Variants in UVRAG observed in about 807,000 individuals in gnomAD.
UVRAG encodes UV radiation resistance-associated gene protein.
In UVRAG, 19 loss-of-function variants were observed where a neutral mutation model predicts 78.0. The ratio of observed to expected loss-of-function variants is 0.24; its 90% CI spans 0.17 to 0.36. UVRAG has a LOEUF of 0.36. UVRAG is among the 10% of genes least tolerant of loss of function. The pLI, the probability that UVRAG is intolerant of heterozygous loss-of-function variation, is 1.00. For missense variants in UVRAG, 740 were observed against 853.8 expected, an observed-to-expected ratio of 0.87 and a Z score of 1.66; for synonymous variants, 323 against 324.6, an observed-to-expected ratio of 1.00 and a Z score of 0.05.
chr11:76,051,454 A>C (rs1007339058), intron 12 of UVRAG, among the ~76,000 whole-genome samples: 1 of 152,240 alleles, frequency 6.6e-6, no homozygotes, highest in South Asian at 2.1e-4. Context: ...TTGCCTGTGG[A>C]CTGTTTTTCA....
At chr11:75,991,789 G>T (rs557850107) in intron 8 of UVRAG, among the ~76,000 whole-genome samples, 1 of 152,192 alleles carries the variant, frequency 6.6e-6, no homozygotes, top group African/African-American at 2.4e-5. Flanking sequence ...AGGATAGAAA[G>T]AGGTCCCAGG....
rs975568764 is a variant in UVRAG at position 76,047,436 on chromosome 11, G to A, written c.1227-18274G>A. On this transcript the variant is annotated intron_variant, in intron 12 of 14. Transcript: ENST00000356136. ...TCTTCCTGAGGATTTTCTCCTCCCT[G>A]CCCTATCACCCAGACACCCTTAATT... Among the ~76,000 whole-genome samples, 19 of 152,238 alleles carry A rather than the reference G, an allele frequency of 1.2e-4. 1 individual carries two copies. In the South Asian group the frequency reaches 1.9e-3, roughly 15 times the overall value.
At chr11:75,854,242 T>A (rs1318488353) in intron 2 of UVRAG, among the ~76,000 whole-genome samples, 1 of 152,190 alleles carries the variant, frequency 6.6e-6, no homozygotes, top group Non-Finnish European at 1.5e-5. Context: ...AAGTGATGAC[T>A]CAGGTATGCA....
Position 76,141,527 on chromosome 11 carries a change from T to G in UVRAG, c.*114T>G. On this transcript the variant is annotated 3_prime_UTR_variant, in exon 15 of 15. Coordinates refer to ENST00000356136, the MANE Select transcript of UVRAG (RefSeq NM_003369.4). The stretch of plus-strand genomic sequence containing the variant: ...CAAAATGAATATTAATGGAGGATAT[T>G]CCTCGGAAAAACAGACTTTGGGAAT... The G allele has an allele frequency of 9.1e-7, 1 of 1,100,868 alleles. No homozygotes were observed. The highest frequency in any genetic ancestry group is 1.3e-6 in the Non-Finnish European group (1 of 787,386). 68.2% of individuals were successfully genotyped at this position (1,100,868 alleles called of 1,614,324 possible).
chr11:75,829,648 T>C (rs1384421345), intron 1 of UVRAG, among the ~76,000 whole-genome samples: 1 of 152,202 alleles, frequency 6.6e-6, no homozygotes, highest in Non-Finnish European at 1.5e-5. Context: ...AGCTTTTCTG[T>C]GAAGGACCAG....
intron 4 of UVRAG, among the ~76,000 whole-genome samples, 178 bp from the exon 5 acceptor site, chr11:75,888,651 A>G (rs938192130): frequency 1.3e-5 from 2 of 152,188 alleles, no homozygotes; most frequent in African/African-American, 4.8e-5. Context: ...TAAAGCAGGA[A>G]ATGCTGAATT....
At chr11:75,909,324 A>AG (rs925472134) in intron 5 of UVRAG, among the ~76,000 whole-genome samples, 3 of 152,108 alleles carry the variant, frequency 2.0e-5, no homozygotes, top group Non-Finnish European at 4.4e-5. Flanking sequence ...TCTACAAAAA[A>AG]AATACAAAAA....
intron 8 of UVRAG, 45 bp downstream of exon 8, chr11:75,983,558 AG>A: frequency 6.6e-7 from 1 of 1,504,172 alleles, no homozygotes. Flanking sequence ...CACATTCAGT[AG>A]TTCTCCTTTC....
At chr11:75,924,693 G>A (rs771686694) in intron 6 of UVRAG, among the ~76,000 whole-genome samples, 12 of 152,016 alleles carry the variant, frequency 7.9e-5, no homozygotes, top group Non-Finnish European at 1.6e-4. Context: ...TGGCCTGAAA[G>A]CATTGTTTTT....
At chr11:76,056,896 C>G (rs1413219868) in intron 12 of UVRAG, among the ~76,000 whole-genome samples, 1 of 152,182 alleles carries the variant, frequency 6.6e-6, no homozygotes. Context: ...AGTGGTCTCT[C>G]TAAGGGTGAT....
intron 12 of UVRAG, among the ~76,000 whole-genome samples, chr11:76,056,771 CT>C (rs1478666868): frequency 6.6e-6 from 1 of 152,082 alleles, no homozygotes; most frequent in Non-Finnish European, 1.5e-5. Flanking sequence ...CATATTATGT[CT>C]AGTTATCTTT....
At chr11:75,857,489 C>T (rs1027153988) in intron 2 of UVRAG, among the ~76,000 whole-genome samples, 2 of 149,820 alleles carry the variant, frequency 1.3e-5, no homozygotes, top group Admixed American at 1.3e-4. Context: ...CTTTCTTTTT[C>T]CCCCCCCCTT....
At chr11:75,960,046 C>T (rs1436432685) in intron 6 of UVRAG, among the ~76,000 whole-genome samples, 2 of 152,098 alleles carry the variant, frequency 1.3e-5, no homozygotes, top group African/African-American at 2.4e-5. Context: ...GATCTCTGAT[C>T]ACAGGTCACC....
chr11:75,968,106 C>G (rs1784385670), intron 7 of UVRAG, among the ~76,000 whole-genome samples: 1 of 152,328 alleles, frequency 6.6e-6, no homozygotes, highest in African/African-American at 2.4e-5. Flanking sequence ...CAGAAAGTTT[C>G]AGATTTTGTA....
chr11:76,085,184 T>C (rs1951566774), intron 13 of UVRAG, among the ~76,000 whole-genome samples: 1 of 152,178 alleles, frequency 6.6e-6, no homozygotes, highest in Admixed American at 6.6e-5. Context: ...TTTGAGACAT[T>C]TGGCAAAGTT....
chr11:75,884,992 C>G (rs951315604), intron 4 of UVRAG, among the ~76,000 whole-genome samples: 1 of 150,970 alleles, frequency 6.6e-6, no homozygotes, highest in African/African-American at 2.5e-5. Context: ...AGTATTGAGT[C>G]TTTCAGTCTA....
At chr11:76,103,324 C>T (rs1053865667) in intron 13 of UVRAG, among the ~76,000 whole-genome samples, 1 of 152,162 alleles carries the variant, frequency 6.6e-6, no homozygotes, top group Non-Finnish European at 1.5e-5. Context: ...ACCCATCAAA[C>T]TCTCTCTGCA....
chr11:75,930,515 T>G (rs1297419943), intron 6 of UVRAG, among the ~76,000 whole-genome samples: 1 of 152,208 alleles, frequency 6.6e-6, no homozygotes, highest in African/African-American at 2.4e-5. Flanking sequence ...ATTATAGAAC[T>G]GTTTTTATAT....
intron 7 of UVRAG, among the ~76,000 whole-genome samples, chr11:75,963,428 T>A (rs1948948019): frequency 1.3e-5 from 2 of 152,222 alleles, no homozygotes; most frequent in East Asian, 1.9e-4. Flanking sequence ...TTTTAGAGAA[T>A]AATGCCATCT....
Sources: allele counts gnomAD v4.1 joint callset (sites outside exome capture counted in the v4.1 genomes callset), GRCh38; gene constraint gnomAD v4.1.1; transcripts MANE v1.5; gene names NCBI Gene and HGNC (gene_info 2026-07-23, HGNC 2026-07-21).